LRMDA: variants seen among roughly 807,000 people sequenced by gnomAD.
The protein encoded by LRMDA is leucine rich melanocyte differentiation associated.
LRMDA carries 18 observed loss-of-function variants against 29.8 expected under a neutral mutation model. The observed-to-expected ratio is 0.60, with a 90% CI of 0.42 to 0.90. The LOEUF (loss-of-function observed/expected upper bound fraction) is 0.90, where lower values mean the gene tolerates loss of function less well. LRMDA is among the 40% of genes least tolerant of loss of function. The probability of loss-of-function intolerance (pLI) is 0.00; values close to 1 mark genes in which losing one functional copy is unlikely to be tolerated. For synonymous variants in LRMDA, 125 were observed against 109.4 expected (o/e 1.14, Z -0.89); for missense variants, 273 against 273.9 (o/e 1.00, Z 0.02).
chr10:76,132,983 T>TG (rs1364096544), intron 5 of LRMDA, among the ~76,000 whole-genome samples: 2 of 140,226 alleles, frequency 1.4e-5, no homozygotes, highest in Non-Finnish European at 3.1e-5. Flanking sequence ...TTTTTTTTTT[T>TG]TTTTTTTTTT....
At chr10:75,720,038 C>T (rs191985437) in intron 2 of LRMDA, among the ~76,000 whole-genome samples, 4 of 152,254 alleles carry the variant, frequency 2.6e-5, no homozygotes, top group Admixed American at 6.5e-5. Context: ...CAAAATTTAA[C>T]AAGAGAAACG....
chr10:76,438,686 G>A (rs1260083016), intron 6 of LRMDA: 6 of 152,180 alleles, frequency 3.9e-5, no homozygotes, highest in African/African-American at 1.4e-4. Flanking sequence ...TCAGTTTAGA[G>A]ATCTTCCCAG....
intron 2 of LRMDA, among the ~76,000 whole-genome samples, chr10:75,572,969 A>G (rs1840455749): frequency 6.6e-6 from 1 of 152,224 alleles, no homozygotes; most frequent in South Asian, 2.1e-4. Context: ...CCTCATCAGA[A>G]ACCAAATTTT....
intron 5 of LRMDA, among the ~76,000 whole-genome samples, chr10:76,184,447 C>T (rs1399671362): frequency 6.6e-6 from 1 of 152,186 alleles, no homozygotes; most frequent in Non-Finnish European, 1.5e-5. Context: ...TTCCATTTAA[C>T]AAAAGAATAG....
At chr10:75,688,014 T>C (rs1842103256) in intron 2 of LRMDA, among the ~76,000 whole-genome samples, 1 of 152,232 alleles carries the variant, frequency 6.6e-6, no homozygotes, top group Non-Finnish European at 1.5e-5. Context: ...TTAAAAATAT[T>C]ACTGCTTATT....
intron 6 of LRMDA, among the ~76,000 whole-genome samples, chr10:76,538,114 AT>A (rs1051217098): frequency 2.6e-5 from 4 of 151,944 alleles, no homozygotes; most frequent in Admixed American, 2.0e-4. Context: ...AATTAGGTTC[AT>A]TTTTTTCTGT....
intron 5 of LRMDA, among the ~76,000 whole-genome samples, chr10:76,244,928 C>T (rs1852347305): frequency 1.3e-5 from 2 of 152,264 alleles, no homozygotes; most frequent in South Asian, 4.2e-4. Flanking sequence ...TAGGGTCTGG[C>T]TTCATTTCTG....
chr10:75,868,268 A>G (rs1315813140), intron 2 of LRMDA, among the ~76,000 whole-genome samples: 2 of 152,206 alleles, frequency 1.3e-5, no homozygotes, highest in Admixed American at 1.3e-4. Context: ...TCTGAGGCAG[A>G]CAGTCCAGGT....
chr10:75,969,290 G>A (rs1846923267), intron 2 of LRMDA, among the ~76,000 whole-genome samples: 1 of 152,160 alleles, frequency 6.6e-6, no homozygotes, highest in Non-Finnish European at 1.5e-5. Context: ...TTGCTCGATT[G>A]AGCAACTACT....
chr10:76,001,343 TC>T (rs1209302957), intron 2 of LRMDA, among the ~76,000 whole-genome samples: 1 of 152,184 alleles, frequency 6.6e-6, no homozygotes, highest in African/African-American at 2.4e-5. Context: ...CCTTTGAACA[TC>T]CTGAGCACTG....
intron 2 of LRMDA, among the ~76,000 whole-genome samples, chr10:75,446,161 C>T (rs530543561): frequency 2.8e-4 from 43 of 152,342 alleles, no homozygotes; most frequent in African/African-American, 9.4e-4. Context: ...TGTTAACTTG[C>T]TGCTCTGTTG....
intron 5 of LRMDA, among the ~76,000 whole-genome samples, chr10:76,217,902 T>G (rs1851758410): frequency 6.6e-6 from 1 of 152,160 alleles, no homozygotes; most frequent in Non-Finnish European, 1.5e-5. Context: ...CTCCCAATAT[T>G]GCTATTTCCT....
At chr10:76,249,805 GTATT>G (rs1852440836) in intron 5 of LRMDA, among the ~76,000 whole-genome samples, 4 of 152,012 alleles carry the variant, frequency 2.6e-5, no homozygotes, top group African/African-American at 9.7e-5. Flanking sequence ...ATTTATTTAT[GTATT>G]TATTTATTTT....
At chr10:76,195,901 A>ATT (rs1369128827) in intron 5 of LRMDA, among the ~76,000 whole-genome samples, 1 of 152,198 alleles carries the variant, frequency 6.6e-6, no homozygotes. Context: ...CTCTAAGGTT[A>ATT]TTATTAAAGA....
intron 5 of LRMDA, among the ~76,000 whole-genome samples, chr10:76,258,644 T>C (rs1839896591): frequency 6.6e-6 from 1 of 152,308 alleles, no homozygotes; most frequent in East Asian, 1.9e-4. Context: ...TTGTATCATC[T>C]CTTCCACTTT....
intron 6 of LRMDA, among the ~76,000 whole-genome samples, chr10:76,406,324 A>G (rs1268221125): frequency 6.6e-6 from 1 of 152,210 alleles, no homozygotes; most frequent in African/African-American, 2.4e-5. Flanking sequence ...TTAACATATC[A>G]AAGGCAGTAG....
chr10:76,504,069 C>A (rs1232642250), intron 6 of LRMDA, among the ~76,000 whole-genome samples: 1 of 151,348 alleles, frequency 6.6e-6, no homozygotes, highest in African/African-American at 2.4e-5. Flanking sequence ...TTATTTCTGC[C>A]TTAATTATTT....
At chr10:76,363,028 C>T (rs554078251) in intron 6 of LRMDA, among the ~76,000 whole-genome samples, 226 of 150,642 alleles carry the variant, frequency 1.5e-3, no homozygotes, top group African/African-American at 5.3e-3. Flanking sequence ...CTGCAAAATA[C>T]TCAATCATTT....
At chr10:76,451,271 G>A (rs1223867629) in intron 6 of LRMDA, among the ~76,000 whole-genome samples, 5 of 150,938 alleles carry the variant, frequency 3.3e-5, no homozygotes, top group Non-Finnish European at 5.9e-5. Context: ...GTGTGATCTC[G>A]GCTCACTGCA....
Sources: allele counts gnomAD v4.1 joint callset (sites outside exome capture counted in the v4.1 genomes callset), GRCh38; gene constraint gnomAD v4.1.1; transcripts MANE v1.5; gene names NCBI Gene and HGNC (gene_info 2026-07-23, HGNC 2026-07-21).